The following EIF3E variants were observed in gnomAD, a reference collection of about 807,000 sequenced individuals.
The protein encoded by EIF3E is eIF-3 p48.
A neutral mutation model predicts 59.3 loss-of-function variants in EIF3E; 25 were observed. That is an observed-to-expected ratio of 0.42 (90% CI 0.31 to 0.59). EIF3E has a LOEUF of 0.59. EIF3E is among the 20% of genes least tolerant of loss of function. The probability of loss-of-function intolerance (pLI) is 0.15; values close to 1 mark genes in which losing one functional copy is unlikely to be tolerated. For missense variants in EIF3E, 317 were observed against 534.3 expected, an observed-to-expected ratio of 0.59 and a Z score of 4.01; for synonymous variants, 176 against 170.2, an observed-to-expected ratio of 1.03 and a Z score of -0.26.
chr8:108,216,840 A>G (rs1040804944), intron 8 of EIF3E, among the ~76,000 whole-genome samples: 4 of 152,182 alleles, frequency 2.6e-5, no homozygotes, highest in African/African-American at 7.2e-5. Flanking sequence ...CTGAATGACA[A>G]TAACTTCTTT....
At chr8:108,246,466 A>T (rs1815951781) in intron 1 of EIF3E, among the ~76,000 whole-genome samples, 1 of 152,142 alleles carries the variant, frequency 6.6e-6, no homozygotes, top group Non-Finnish European at 1.5e-5. Context: ...TTTACCTTAT[A>T]TCAAAAACAT....
chr8:108,248,119 A>T (rs537692123), intron 1 of EIF3E, among the ~76,000 whole-genome samples: 2 of 152,268 alleles, frequency 1.3e-5, no homozygotes, highest in South Asian at 4.1e-4. Flanking sequence ...CAAAGAACTC[A>T]CAACTTCATG....
intron 3 of EIF3E, among the ~76,000 whole-genome samples, chr8:108,238,370 G>A (rs1022593527): frequency 6.6e-6 from 1 of 151,988 alleles, no homozygotes; most frequent in Non-Finnish European, 1.5e-5. Context: ...AAAATCTGCA[G>A]GTGCTAAAGT....
At chr8:108,214,984 C>G (rs1302507305) in intron 9 of EIF3E, among the ~76,000 whole-genome samples, 1 of 152,180 alleles carries the variant, frequency 6.6e-6, no homozygotes, top group East Asian at 1.9e-4. Context: ...CATTATTCTA[C>G]ATAAATGCTC....
intron 5 of EIF3E, among the ~76,000 whole-genome samples, chr8:108,230,992 G>A (rs897010508): frequency 1.3e-5 from 2 of 152,198 alleles, no homozygotes; most frequent in Admixed American, 1.3e-4. Context: ...CAGAAAGCAG[G>A]TCAATGGATG....
chr8:108,230,160 C>G (rs1252094289), intron 5 of EIF3E, among the ~76,000 whole-genome samples: 1 of 152,120 alleles, frequency 6.6e-6, no homozygotes, highest in Admixed American at 6.6e-5. Flanking sequence ...TACAGAAGCA[C>G]TTTTACATAA....
intron 3 of EIF3E, among the ~76,000 whole-genome samples, chr8:108,239,390 G>A (rs970101680): frequency 1.6e-4 from 24 of 152,066 alleles, no homozygotes; most frequent in African/African-American, 5.8e-4. Flanking sequence ...TGGTAAGATA[G>A]AGGGTTTCGC....
At chr8:108,226,879 G>A (rs192511093) in intron 7 of EIF3E, among the ~76,000 whole-genome samples, 1 of 152,146 alleles carries the variant, frequency 6.6e-6, no homozygotes, top group Non-Finnish European at 1.5e-5. Flanking sequence ...GATTTTGGAG[G>A]ATATCAGCCA....
At position 108,214,725 on chromosome 8, in the gene EIF3E, A is replaced by T; in HGVS notation, c.952-9T>A. Reference sequence around the variant, plus strand: ...AAGTCATTCACAAGCACCTATATGTACAAATACAACAAAAATTAATGATGC... The same window carrying T: ...AAGTCATTCACAAGCACCTATATGTTCAAATACAACAAAAATTAATGATGC... On this transcript the variant is annotated splice_polypyrimidine_tract_variant and intron_variant, in intron 9 of 12. Transcript: ENST00000220849. 1 of 1,589,748 alleles carries T rather than the reference A, an allele frequency of 6.3e-7. No homozygotes were observed. The highest frequency in any genetic ancestry group is 8.5e-7 in the Non-Finnish European group (1 of 1,172,632).
At chr8:108,210,317 A>G (rs1815182631) in intron 10 of EIF3E, among the ~76,000 whole-genome samples, 1 of 152,184 alleles carries the variant, frequency 6.6e-6, no homozygotes, top group Non-Finnish European at 1.5e-5. Flanking sequence ...TCAAGCCTGC[A>G]TCACAGAGAT....
chr8:108,236,354 A>G (rs1815728811), intron 3 of EIF3E, 151 bp from the exon 4 acceptor site: 3 of 590,208 alleles, frequency 5.1e-6, no homozygotes, highest in Non-Finnish European at 8.9e-6. Context: ...GCAGGACATT[A>G]CATGTTTTGA....
In EIF3E at chr8:108,209,839, A is replaced by G. The variant is rs73700824; in HGVS notation, c.1061+4768T>C. Among the ~76,000 whole-genome samples the G allele has an allele frequency of 2.7e-3, 414 of 152,278 alleles. 1 individual carries two copies. Among genetic ancestry groups the G allele is most frequent in the African/African-American group, 9.2e-3 (384 of 41,564 alleles). ...AGGACAGGGTGGCAGGGAAGAGGGT[A>G]CCACTATAAAAGAGCAGCTTGAAGG... On this transcript the variant is annotated intron_variant, in intron 10 of 12. Coordinates refer to ENST00000220849, the MANE Select transcript of EIF3E (RefSeq NM_001568.3).
At chr8:108,232,403 AT>A (rs1175955067) in intron 5 of EIF3E, among the ~76,000 whole-genome samples, 1 of 152,216 alleles carries the variant, frequency 6.6e-6, no homozygotes, top group East Asian at 1.9e-4. Context: ...ACAGTATTCA[AT>A]CACTTAATCA....
At chr8:108,232,565 C>A (rs1815644052) in intron 5 of EIF3E, among the ~76,000 whole-genome samples, 1 of 152,052 alleles carries the variant, frequency 6.6e-6, no homozygotes, top group Admixed American at 6.6e-5. Context: ...CAAGTACAAA[C>A]CTGTCACTTG....
At chr8:108,248,302 C>CTCTAGCGAA (rs1725767617) in intron 1 of EIF3E, among the ~76,000 whole-genome samples, 1 of 151,304 alleles carries the variant, frequency 6.6e-6, no homozygotes, top group Non-Finnish European at 1.5e-5. Flanking sequence ...CTCTAACGTT[C>CTCTAGCGAA]TCTAGCGAAA....
chr8:108,237,312 T>C (rs1342726050), intron 3 of EIF3E, among the ~76,000 whole-genome samples: 4 of 152,202 alleles, frequency 2.6e-5, no homozygotes, highest in Non-Finnish European at 4.4e-5. Context: ...AGTTCACTGG[T>C]GTAATCTCGG....
In EIF3E at chr8:108,202,988, A is replaced by G. The variant is rs1466657285; in HGVS notation, c.1294T>C (p.Ser432Pro). 6.2e-7 allele frequency: 1 copy of G among 1,611,640 alleles called. No homozygotes were observed. Among genetic ancestry groups the G allele is most frequent in the East Asian group, 2.2e-5 (1 of 44,796 alleles). The change falls in exon 12 of 13, where the codon TCA becomes CCA. Residue 432 changes from serine (S) to proline (P), a missense_variant. Around this residue, in one of 4 missense-constraint regions of EIF3E, gnomAD observed 45 missense variants for 97.8 expected, o/e 0.46. Coordinates refer to ENST00000220849, the MANE Select transcript of EIF3E (RefSeq NM_001568.3). ...IEKKLNQNSR[S>P]EAPNWATQDS... is the part of the protein sequence containing the mutation. ...AGAAGATGTGTGGTTCTTACCTCTG[A>G]CCTGCTATTCTGATTAAGTTTCTTC... is the stretch of plus-strand genomic sequence containing the variant.
At chr8:108,234,896 TAATG>T in intron 5 of EIF3E, 98 bp downstream of exon 5, 2 of 617,294 alleles carry the variant, frequency 3.2e-6, no homozygotes, top group South Asian at 1.0e-4. Flanking sequence ...GTTGAAAACT[TAATG>T]AACAGACCCA....
chr8:108,226,191 CTTTT>C (rs11326241), intron 7 of EIF3E: 11 of 126,298 alleles, frequency 8.7e-5, no homozygotes, highest in Non-Finnish European at 6.6e-5. Flanking sequence ...TTCAATAATT[CTTTT>C]TTTTTTTTTT....
Sources: allele counts gnomAD v4.1 joint callset (sites outside exome capture counted in the v4.1 genomes callset), GRCh38; gene constraint gnomAD v4.1.1; regional missense constraint gnomAD v4.1.1; transcripts MANE v1.5; gene names NCBI Gene and HGNC (gene_info 2026-07-23, HGNC 2026-07-21).